PRKX: variants seen among roughly 807,000 people sequenced by gnomAD.
PRKX encodes cAMP-dependent protein kinase catalytic subunit PRKX.
PRKX carries 12 observed loss-of-function variants against 22.0 expected under a neutral mutation model. That is an observed-to-expected ratio of 0.54 (90% CI 0.35 to 0.88). The LOEUF is 0.88. PRKX is among the 40% of genes least tolerant of loss of function. The pLI is 0.01. For synonymous variants in PRKX, 134 were observed against 137.7 expected, an observed-to-expected ratio of 0.97 and a Z score of 0.19; for missense variants, 217 against 308.0, an observed-to-expected ratio of 0.70 and a Z score of 2.21.
Position 3,696,194 on chromosome X carries a change from A to G in PRKX, c.166+16894T>C, listed in dbSNP as rs143235515. On this transcript the variant is annotated intron_variant, in intron 1 of 8. Coordinates refer to ENST00000262848, the MANE Select transcript of PRKX (RefSeq NM_005044.5). ...AGGACACAGTGAGAAGGCGCCGTCT[A>G]TGAACCAGGAAGCCCTCACCAGACA... Among the ~76,000 whole-genome samples, 356 of 110,312 alleles carry G rather than the reference A, an allele frequency of 3.2e-3. 1 individual carries two copies. Among genetic ancestry groups the G allele is most frequent in the African/African-American group, 0.011 (337 of 30,309 alleles).
intron 1 of PRKX, among the ~76,000 whole-genome samples, chrX:3,699,418 T>C (rs1377501495): frequency 9.0e-6 from 1 of 111,089 alleles, no homozygotes; most frequent in Non-Finnish European, 1.9e-5. Flanking sequence ...AGTGGCACAA[T>C]CTCAGCTCAC....
At chrX:3,708,094 G>A (rs1053079037) in intron 1 of PRKX, among the ~76,000 whole-genome samples, 5 of 111,548 alleles carry the variant, frequency 4.5e-5, no homozygotes, top group Non-Finnish European at 9.4e-5. Context: ...GGTGTCAGGA[G>A]GTGAGGCCCT....
intron 1 of PRKX, among the ~76,000 whole-genome samples, chrX:3,677,846 A>C (rs1346855256): frequency 8.9e-6 from 1 of 112,449 alleles, no homozygotes; most frequent in Non-Finnish European, 1.9e-5. Context: ...AAAGTGTAAG[A>C]AGGAAACAAT....
intron 1 of PRKX, among the ~76,000 whole-genome samples, chrX:3,693,939 C>CAAAA (rs1230845031): frequency 5.1e-4 from 17 of 33,052 alleles, no homozygotes; most frequent in African/African-American, 1.7e-3. Context: ...GACTCCGTCT[C>CAAAA]AAAAAAAAAA....
intron 1 of PRKX, among the ~76,000 whole-genome samples, chrX:3,691,089 G>A (rs562366286): frequency 8.9e-6 from 1 of 111,764 alleles, no homozygotes; most frequent in African/African-American, 3.2e-5. Flanking sequence ...CAGCTCAGTC[G>A]GACTAGGGTC....
chrX:3,688,709 A>T (rs56136063), intron 1 of PRKX, among the ~76,000 whole-genome samples: 16,307 of 108,206 alleles, frequency 0.15, 1,509 homozygotes, highest in African/African-American at 0.34. Context: ...AAAAAAAAAA[A>T]TTTTTTTTAA....
At chrX:3,646,344 T>C (rs1222227060) in intron 3 of PRKX, among the ~76,000 whole-genome samples, 2 of 111,519 alleles carry the variant, frequency 1.8e-5, no homozygotes, top group Non-Finnish European at 3.8e-5. Flanking sequence ...CAAGCTGAGT[T>C]TCAGTCCAGT....
chrX:3,680,437 C>T (rs1928048751), intron 1 of PRKX, among the ~76,000 whole-genome samples: 1 of 111,135 alleles, frequency 9.0e-6, no homozygotes, highest in African/African-American at 3.3e-5. Flanking sequence ...AGCCACTGCA[C>T]CTGGCCACAT....
Position 3,608,023 on chromosome X carries a change from A to T in PRKX, c.*946T>A, listed in dbSNP as rs1278403720. On this transcript the variant is annotated 3_prime_UTR_variant, in exon 9 of 9. Coordinates refer to ENST00000262848, the MANE Select transcript of PRKX (RefSeq NM_005044.5). ...CAGCCTCCTGAGTAGCTGAGACTAC[A>T]CTCACGTGCCACCATGCCCGGCTAA... 1 of 106,137 alleles carries T rather than the reference A, an allele frequency of 9.4e-6. No homozygotes were observed. The highest frequency in any genetic ancestry group is 1.9e-5 in the Non-Finnish European group (1 of 51,794). 8.7% of individuals were successfully genotyped at this position (106,137 alleles called of 1,213,427 possible).
intron 5 of PRKX, among the ~76,000 whole-genome samples, chrX:3,623,319 C>A (rs1403340547): frequency 9.0e-6 from 1 of 110,574 alleles, no homozygotes; most frequent in Non-Finnish European, 1.9e-5. Context: ...ATGCAGTGGG[C>A]TGAAGTGGGA....
At position 3,707,264 on chromosome X, in the gene PRKX, C is replaced by G. The variant is rs540172762; in HGVS notation, c.166+5824G>C. 4.5e-5 allele frequency among the ~76,000 whole-genome samples: 5 copies of G among 112,315 alleles called. No homozygotes were observed. In the South Asian group the frequency reaches 1.9e-3, roughly 42 times the overall value. On this transcript the variant is annotated intron_variant, in intron 1 of 8. Coordinates refer to ENST00000262848, the MANE Select transcript of PRKX (RefSeq NM_005044.5). ...TCATAAAGAACAACTGCCGATAATG[C>G]CATCATCCATTCATTTATTTATTCA...
intron 3 of PRKX, among the ~76,000 whole-genome samples, chrX:3,648,605 C>CCT (rs1477005769): frequency 1.8e-3 from 85 of 46,148 alleles, no homozygotes; most frequent in Middle Eastern, 0.012. Context: ...TCTCTCTACT[C>CCT]CTGTGTGTGT....
chrX:3,656,637 AT>A (rs1927486904), intron 2 of PRKX, among the ~76,000 whole-genome samples: 2 of 111,418 alleles, frequency 1.8e-5, no homozygotes, highest in African/African-American at 6.5e-5. Context: ...AGGTCTGCAT[AT>A]AGAAAGGTGT....
At chrX:3,696,103 C>T (rs1359803781) in intron 1 of PRKX, among the ~76,000 whole-genome samples, 1 of 110,611 alleles carries the variant, frequency 9.0e-6, no homozygotes, top group African/African-American at 3.3e-5. Flanking sequence ...GGTGGAGCCT[C>T]ATGAATGGGA....
chrX:3,680,466 G>A (rs1053318683), intron 1 of PRKX, among the ~76,000 whole-genome samples: 1 of 110,847 alleles, frequency 9.0e-6, no homozygotes, highest in African/African-American at 3.3e-5. Flanking sequence ...TCTGTCTGGA[G>A]GGATGGGAAG....
At chrX:3,668,960 C>T (rs1197421847) in intron 2 of PRKX, among the ~76,000 whole-genome samples, 2 of 112,793 alleles carry the variant, frequency 1.8e-5, no homozygotes, top group Non-Finnish European at 3.7e-5. Context: ...TTGGCTGTCA[C>T]GCTGGAGTGG....
chrX:3,676,955 GCAGC>G (rs1030942496), intron 1 of PRKX, among the ~76,000 whole-genome samples: 8 of 111,984 alleles, frequency 7.1e-5, no homozygotes, highest in Non-Finnish European at 1.5e-4. Context: ...CGGAACCTCC[GCAGC>G]CATGTGGAAC....
At chrX:3,632,634 A>G (rs1232326412) in intron 4 of PRKX, among the ~76,000 whole-genome samples, 1 of 111,871 alleles carries the variant, frequency 8.9e-6, no homozygotes, top group Non-Finnish European at 1.9e-5. Flanking sequence ...AAGATAAATA[A>G]TAAGTGAGCA....
chrX:3,704,247 G>A (rs1928638130), intron 1 of PRKX, among the ~76,000 whole-genome samples: 1 of 111,779 alleles, frequency 8.9e-6, no homozygotes, highest in Non-Finnish European at 1.9e-5. Flanking sequence ...AAGTTTACCC[G>A]CACACACGTA....
Sources: gnomAD v4.1 joint callset for allele counts (sites outside exome capture counted in the v4.1 genomes callset) on GRCh38, gnomAD v4.1.1 for gene constraint, MANE v1.5 for transcripts, NCBI Gene and HGNC (gene_info 2026-07-23, HGNC 2026-07-21) for gene names.